DLGAP1: variants seen among roughly 807,000 people sequenced by gnomAD.
DLGAP1 encodes the protein DLG associated protein 1, also known as disks large-associated protein 1.
Under a neutral mutation model 90.8 loss-of-function variants are expected in DLGAP1, and 11 were observed. That is an observed-to-expected ratio of 0.12 (90% confidence interval 0.08 to 0.20). The LOEUF (loss-of-function observed/expected upper bound fraction) is 0.20. Ranked by LOEUF, DLGAP1 falls within the 10% of genes least tolerant of loss-of-function variation. The pLI, the probability that DLGAP1 is intolerant of heterozygous loss-of-function variation, is 1.00. For synonymous variants in DLGAP1, 558 were observed against 540.7 expected (o/e 1.03, Z -0.44); for missense variants, 1,050 against 1,333.8 (o/e 0.79, Z 3.31).
chr18:3,643,086 C>T (rs1003101877), intron 7 of DLGAP1, among the ~76,000 whole-genome samples: 1 of 152,112 alleles, frequency 6.6e-6, no homozygotes, highest in Non-Finnish European at 1.5e-5. Context: ...TACAATCACC[C>T]AATAGACTAC....
intron 3 of DLGAP1, chr18:3,977,602 C>A: frequency 4.7e-6 from 1 of 214,586 alleles, no homozygotes; most frequent in South Asian, 6.9e-5. Flanking sequence ...CCCCCTCTCT[C>A]TTCCTCTTGT....
intron 1 of DLGAP1, among the ~76,000 whole-genome samples, chr18:4,249,204 T>C (rs1017260134): frequency 6.6e-6 from 1 of 152,190 alleles, no homozygotes; most frequent in African/African-American, 2.4e-5. Flanking sequence ...AGATGTGAAC[T>C]ACATGAGGAC....
chr18:4,352,846 C>T (rs2081429596), intron 1 of DLGAP1, among the ~76,000 whole-genome samples: 1 of 152,056 alleles, frequency 6.6e-6, no homozygotes, highest in Non-Finnish European at 1.5e-5. Flanking sequence ...TATGTGAATC[C>T]CCGTTACTTT....
chr18:3,786,849 T>C (rs1291653302), intron 5 of DLGAP1, among the ~76,000 whole-genome samples: 1 of 152,208 alleles, frequency 6.6e-6, no homozygotes, highest in Non-Finnish European at 1.5e-5. Flanking sequence ...AAACTTGGTA[T>C]TAATGACGAA....
chr18:4,161,928 G>A (rs2076852432), intron 1 of DLGAP1, among the ~76,000 whole-genome samples: 1 of 152,164 alleles, frequency 6.6e-6, no homozygotes, highest in African/African-American at 2.4e-5. Context: ...TAGCAAGCTT[G>A]GGACAGTCAT....
intron 5 of DLGAP1, among the ~76,000 whole-genome samples, chr18:3,757,722 T>C (rs1291302556): frequency 6.6e-6 from 1 of 152,174 alleles, no homozygotes; most frequent in Non-Finnish European, 1.5e-5. Flanking sequence ...CTGAATAAAC[T>C]TGAAATAGCA....
chr18:4,261,228 G>A (rs1381655763), intron 1 of DLGAP1, among the ~76,000 whole-genome samples: 2 of 152,136 alleles, frequency 1.3e-5, no homozygotes, highest in Non-Finnish European at 2.9e-5. Flanking sequence ...CTGAACTAAT[G>A]AAAACAGGGT....
chr18:3,979,174 G>T (rs1287192480), intron 3 of DLGAP1, among the ~76,000 whole-genome samples: 2 of 152,152 alleles, frequency 1.3e-5, no homozygotes, highest in Non-Finnish European at 2.9e-5. Flanking sequence ...TAATGTTTCG[G>T]TCAACCACAG....
intron 4 of DLGAP1, chr18:3,874,458 T>C: frequency 2.8e-6 from 4 of 1,435,762 alleles, no homozygotes; most frequent in Non-Finnish European, 3.6e-6. Flanking sequence ...TGGCTTTATA[T>C]GTCAGTCACT....
intron 3 of DLGAP1, among the ~76,000 whole-genome samples, chr18:3,938,571 T>C (rs1416277911): frequency 6.6e-6 from 1 of 152,236 alleles, no homozygotes; most frequent in Non-Finnish European, 1.5e-5. Flanking sequence ...GGAGACTTGT[T>C]TGTCTATTTC....
intron 3 of DLGAP1, among the ~76,000 whole-genome samples, chr18:3,970,105 C>T (rs139037253): frequency 2.0e-5 from 3 of 152,254 alleles, no homozygotes; most frequent in Non-Finnish European, 2.9e-5. Flanking sequence ...ATGAAGCAAA[C>T]GTATTACAAA....
At chr18:3,699,143 A>G (rs1322929654) in intron 7 of DLGAP1, among the ~76,000 whole-genome samples, 35 of 152,006 alleles carry the variant, frequency 2.3e-4, no homozygotes. Context: ...GCCTACTTCC[A>G]TCAATTCGTC....
At chr18:3,908,117 T>G (rs892095225) in intron 3 of DLGAP1, among the ~76,000 whole-genome samples, 1 of 152,232 alleles carries the variant, frequency 6.6e-6, no homozygotes, top group African/African-American at 2.4e-5. Flanking sequence ...GTTCCTGCTG[T>G]TATTTTTAAC....
At chr18:3,575,806 T>C (rs619348) in intron 8 of DLGAP1, among the ~76,000 whole-genome samples, 104,689 of 151,928 alleles carry the variant, frequency 0.69, 36,865 homozygotes, top group East Asian at 0.99. Flanking sequence ...AGCACTAGGG[T>C]ATCAAGAAAA....
intron 2 of DLGAP1, among the ~76,000 whole-genome samples, chr18:4,079,287 T>TCACA (rs6146196): frequency 0.013 from 1,890 of 142,504 alleles, 15 homozygotes; most frequent in Middle Eastern, 0.017. Context: ...AAAGAAAATG[T>TCACA]CACACACACA....
chr18:3,582,378 A>G, intron 7 of DLGAP1, 130 bp from the exon 8 acceptor site: 1 of 1,411,746 alleles, frequency 7.1e-7, no homozygotes, highest in South Asian at 1.4e-5. Flanking sequence ...AACAAGTTCC[A>G]TTGACAGGCT....
At chr18:4,221,436 G>A (rs1219818696) in intron 1 of DLGAP1, among the ~76,000 whole-genome samples, 1 of 152,018 alleles carries the variant, frequency 6.6e-6, no homozygotes, top group Non-Finnish European at 1.5e-5. Flanking sequence ...CTGACATCAG[G>A]TTTGGTTATG....
intron 1 of DLGAP1, among the ~76,000 whole-genome samples, chr18:4,287,201 C>T (rs2079720677): frequency 6.6e-6 from 1 of 152,078 alleles, no homozygotes; most frequent in Non-Finnish European, 1.5e-5. Context: ...GATTTGTTAT[C>T]AAAAGCACAA....
chr18:3,528,734 C>T (rs558890865), intron 10 of DLGAP1, among the ~76,000 whole-genome samples: 9 of 152,314 alleles, frequency 5.9e-5, no homozygotes, highest in African/African-American at 2.2e-4. Flanking sequence ...TGGTCCAATT[C>T]TCCCTGATCT....
Sources: allele counts gnomAD v4.1 joint callset (sites outside exome capture counted in the v4.1 genomes callset), GRCh38; gene constraint gnomAD v4.1.1; transcripts MANE v1.5; gene names NCBI Gene and HGNC (gene_info 2026-07-23, HGNC 2026-07-21).